The following PALD1 variants were observed in gnomAD, a reference collection of about 807,000 sequenced individuals.
PALD1 encodes paladin.
In PALD1, 57 loss-of-function variants were observed where a neutral mutation model predicts 96.0. The observed-to-expected ratio is 0.59, with a 90% confidence interval of 0.48 to 0.74. The LOEUF is 0.74. Ranked by LOEUF, PALD1 falls within the 30% of genes least tolerant of loss-of-function variation. The pLI, the probability that PALD1 is intolerant of heterozygous loss-of-function variation, is 0.00. For synonymous variants in PALD1, 464 were observed against 473.6 expected (o/e 0.98, Z 0.26); for missense variants, 1,063 against 1,143.7 (o/e 0.93, Z 1.02).
chr10:70,468,945 G>C, the PALD1 span, among the ~76,000 whole-genome samples: 1,413 of 152,264 alleles, frequency 9.3e-3, 34 homozygotes, highest in African/African-American at 0.033. Flanking sequence ...AAATCCAGTA[G>C]CGTGGCTTTA....
In PALD1 at chr10:70,539,691, C is replaced by T; in HGVS notation, c.1837C>T (p.His613Tyr). The change falls in exon 15 of 20, where the codon CAC becomes TAC. Residue 613 changes from histidine to tyrosine, a missense_variant. His to Tyr is a moderately conservative substitution (Grantham distance 83). Coordinates refer to ENST00000263563, the MANE Select transcript of PALD1 (RefSeq NM_014431.3). This position sits in a 1 kb window ranked among gnomAD's most constrained non-coding sequence, Gnocchi z 4.5. ...CLTMQEVFSQ[H>Y]RRACPGLTYH... is the part of the protein sequence containing the mutation. ...TACCATGCAGGAGGTCTTCAGCCAG[C>T]ACCGCAGGGCCTGTCCTGGCCTCAC... 1 of 1,613,692 alleles carries T rather than the reference C, an allele frequency of 6.2e-7. No individual in the cohort carries two copies. Among genetic ancestry groups the T allele is most frequent in the Non-Finnish European group, 8.5e-7 (1 of 1,179,806 alleles).
At chr10:70,501,959 AT>A (rs141622287) in intron 1 of PALD1, among the ~76,000 whole-genome samples, 2,406 of 151,766 alleles carry the variant, frequency 0.016, 62 homozygotes, top group African/African-American at 0.054. Flanking sequence ...TATAGTAGAT[AT>A]TTTTCTACAT....
At chr10:70,475,083 T>C (rs1212963807), upstream of PALD1, among the ~76,000 whole-genome samples, 1 of 152,188 alleles carries the variant, frequency 6.6e-6, no homozygotes, top group Non-Finnish European at 1.5e-5. Flanking sequence ...CCTTTTATCC[T>C]CCAGACTTTC....
upstream of PALD1, among the ~76,000 whole-genome samples, chr10:70,474,271 G>C (rs924007726): frequency 6.6e-6 from 1 of 152,080 alleles, no homozygotes; most frequent in Non-Finnish European, 1.5e-5. Context: ...GGATAAGATA[G>C]ATTAGAGGGC....
Position 70,552,015 on chromosome 10 carries a change from C to T in PALD1, c.2262+4569C>T, listed in dbSNP as rs550702581. Among the ~76,000 whole-genome samples the T allele has an allele frequency of 5.9e-5, 9 of 152,356 alleles. No individual in the cohort carries two copies. The East Asian group carries it at 1.7e-3, about 29-fold the overall frequency. The stretch of plus-strand genomic sequence containing the variant: ...TCTGGAAGCTGTGATTGTGGCAGGC[C>T]CACGGGACGTCTCTCGCCACTCACC... On this transcript the variant is annotated intron_variant, in intron 18 of 19. Transcript: ENST00000263563.
chr10:70,489,884 G>A (rs1846072505), intron 1 of PALD1, among the ~76,000 whole-genome samples: 1 of 152,042 alleles, frequency 6.6e-6, no homozygotes, highest in South Asian at 2.1e-4. Flanking sequence ...TCATATAAAT[G>A]AAATCATACA....
chr10:70,527,869 G>A (rs1330089590), intron 2 of PALD1, among the ~76,000 whole-genome samples: 1 of 152,116 alleles, frequency 6.6e-6, no homozygotes, highest in Non-Finnish European at 1.5e-5. Context: ...CCATGTTGGT[G>A]TGCCGCACCC....
At position 70,566,709 on chromosome 10, in the gene PALD1, C is replaced by A; in HGVS notation, c.2547C>A (p.Pro849=). Residue 849 remains proline, a synonymous_variant, in exon 20 of 20, where the codon CCC becomes CCA. Coordinates refer to ENST00000263563, the MANE Select transcript of PALD1 (RefSeq NM_014431.3). The part of the protein sequence containing the change: ...RWQEQSCSLE[P]SAPEDLL ...AGGAGCAGAGCTGCAGCCTCGAGCC[C>A]TCTGCCCCCGAGGACTTGCTGTAGG... 2 of 1,603,306 alleles carry A rather than the reference C, an allele frequency of 1.2e-6. No homozygotes were observed. Among genetic ancestry groups the A allele is most frequent in the East Asian group, 2.2e-5 (1 of 44,646 alleles).
At chr10:70,460,484 G>C in the PALD1 span, among the ~76,000 whole-genome samples, 2 of 152,270 alleles carry the variant, frequency 1.3e-5, no homozygotes, top group African/African-American at 4.8e-5. Context: ...CCAAGCCCCT[G>C]ATTCCTGATT....
chr10:70,493,354 G>A (rs1477405345), intron 1 of PALD1, among the ~76,000 whole-genome samples: 1 of 152,238 alleles, frequency 6.6e-6, no homozygotes, highest in African/African-American at 2.4e-5. Flanking sequence ...CGTGAAGGAG[G>A]TCTGTGAGCA....
chr10:70,550,809 G>T (rs7086704), intron 18 of PALD1, among the ~76,000 whole-genome samples: 112,778 of 152,170 alleles, frequency 0.74, 42,158 homozygotes, highest in East Asian at 0.98. Flanking sequence ...TACTGCATTT[G>T]TATGGCTGAA....
chr10:70,552,964 T>C (rs1345263744), intron 18 of PALD1, among the ~76,000 whole-genome samples: 1 of 152,198 alleles, frequency 6.6e-6, no homozygotes, highest in East Asian at 1.9e-4. Context: ...TTTTCCTAGT[T>C]GCACCCCTAG....
At chr10:70,529,583 G>C (rs905405956) in intron 3 of PALD1, among the ~76,000 whole-genome samples, 3 of 152,080 alleles carry the variant, frequency 2.0e-5, no homozygotes, top group Non-Finnish European at 4.4e-5. Context: ...CCTCTGGAGA[G>C]CCTCTCCCTG....
Position 70,538,990 on chromosome 10 carries a change from G to A in PALD1, c.1551G>A (p.Thr517=), listed in dbSNP as rs1284558081. The change falls in exon 13 of 20, where the codon ACG becomes ACA. Residue 517 remains threonine (T), a synonymous_variant. Transcript: ENST00000263563. ...TGCCCCGCATGCCCATCTACGGCAC[G>A]GCCCAGCCCAGCGCCAAGGTGACCG... ...RRVPRMPIYG[T]AQPSAKALGS... 9 of 1,613,812 alleles carry A rather than the reference G, an allele frequency of 5.6e-6. No individual in the cohort carries two copies. The highest frequency in any genetic ancestry group is 3.3e-5 in the South Asian group (3 of 91,078).
At chr10:70,478,527 G>A (rs1845865209), upstream of PALD1, among the ~76,000 whole-genome samples, 1 of 152,212 alleles carries the variant, frequency 6.6e-6, no homozygotes, top group South Asian at 2.1e-4. Context: ...CGAGGGAAGA[G>A]GAACTGGCTT....
intron 1 of PALD1, among the ~76,000 whole-genome samples, chr10:70,481,051 T>A (rs1034692301): frequency 6.6e-6 from 1 of 152,062 alleles, no homozygotes; most frequent in Non-Finnish European, 1.5e-5. Context: ...GATCTGAATC[T>A]CCCCACATGG....
intron 10 of PALD1, among the ~76,000 whole-genome samples, chr10:70,535,872 G>C (rs956365235): frequency 1.5e-4 from 23 of 151,934 alleles, no homozygotes; most frequent in African/African-American, 5.6e-4. Flanking sequence ...TACTTTTTTA[G>C]AGATGGGGTG....
At chr10:70,563,616 C>G (rs12354593) in intron 18 of PALD1, among the ~76,000 whole-genome samples, 19,270 of 152,238 alleles carry the variant, frequency 0.13, 1,599 homozygotes, top group Non-Finnish European at 0.17. Flanking sequence ...TTACCTGTCC[C>G]CAGCCTTGGA....
At chr10:70,542,187 C>G (rs565113900) in intron 17 of PALD1, among the ~76,000 whole-genome samples, 14 of 152,238 alleles carry the variant, frequency 9.2e-5, no homozygotes, top group Non-Finnish European at 1.6e-4. Flanking sequence ...CTCACACTTG[C>G]TAAGCTCTTG....
Sources: allele counts gnomAD v4.1 joint callset (sites outside exome capture counted in the v4.1 genomes callset), GRCh38; gene constraint gnomAD v4.1.1; non-coding constraint Gnocchi (gnomAD v3.1); transcripts MANE v1.5; gene names NCBI Gene and HGNC (gene_info 2026-07-23, HGNC 2026-07-21).